Variants in SLC1A2 observed in about 807,000 individuals in gnomAD.
SLC1A2 encodes solute carrier family 1 member 2, also known as excitatory amino acid transporter 2.
In SLC1A2, 15 loss-of-function variants were observed where a neutral mutation model predicts 48.8. The ratio of observed to expected loss-of-function variants is 0.31; its 90% CI spans 0.21 to 0.47. SLC1A2 has a LOEUF of 0.47. SLC1A2 is among the 20% of genes least tolerant of loss of function. SLC1A2 has a pLI of 0.99. For missense variants in SLC1A2, 502 were observed against 730.5 expected (o/e 0.69, Z 3.61); for synonymous variants, 279 against 272.6 (o/e 1.02, Z -0.23).
intron 1 of SLC1A2, chr11:35,399,649 C>G (rs1855079575): frequency 1.0e-6 from 1 of 969,728 alleles, no homozygotes; most frequent in African/African-American, 1.8e-5. Context: ...TCTATTCCTA[C>G]TCAAAATAGA....
At chr11:35,323,818 C>G (rs117236570) in intron 1 of SLC1A2, among the ~76,000 whole-genome samples, 3 of 152,296 alleles carry the variant, frequency 2.0e-5, no homozygotes, top group Admixed American at 1.3e-4. Flanking sequence ...GCATGTTTTT[C>G]TAGGGCCAAT....
At chr11:35,357,141 C>T (rs1180590857) in intron 1 of SLC1A2, among the ~76,000 whole-genome samples, 1 of 151,718 alleles carries the variant, frequency 6.6e-6, no homozygotes, top group Non-Finnish European at 1.5e-5. Flanking sequence ...TCTGTAAACC[C>T]AGTTACTAGG....
intron 1 of SLC1A2, among the ~76,000 whole-genome samples, chr11:35,371,713 CA>C (rs11365357): frequency 0.27 from 41,504 of 152,010 alleles, 5,732 homozygotes; most frequent in African/African-American, 0.3. Flanking sequence ...TCTTGCTACT[CA>C]GAGTGCACCC....
intron 1 of SLC1A2, among the ~76,000 whole-genome samples, chr11:35,385,511 G>A (rs765151833): frequency 5.3e-5 from 8 of 152,148 alleles, no homozygotes; most frequent in African/African-American, 7.2e-5. Flanking sequence ...CTGCAGAGGG[G>A]TCTGGGTAGC....
At chr11:35,374,751 T>C (rs982556289) in intron 1 of SLC1A2, among the ~76,000 whole-genome samples, 6 of 150,730 alleles carry the variant, frequency 4.0e-5, no homozygotes, top group African/African-American at 1.5e-4. Context: ...GCTAAGCAAA[T>C]ATTAAGCCAT....
rs185951511 is a variant in SLC1A2, at chr11:35,269,991, C to A, written c.1422-4233G>T. Among the ~76,000 whole-genome samples, 24 of 152,228 alleles carry A rather than the reference C, an allele frequency of 1.6e-4. 1 individual carries two copies. The highest frequency in any genetic ancestry group is 3.4e-3 in the Middle Eastern group (1 of 294). ...GCGTGGTGGTGCACGCCTGTAATCC[C>A]AGCTACTCGGGAGGCTGAGATAGGA... On this transcript the variant is annotated intron_variant, in intron 9 of 10. Transcript: ENST00000278379.
At chr11:35,317,352 G>T in intron 2 of SLC1A2, 25 bp downstream of exon 2, 1 of 1,606,034 alleles carries the variant, frequency 6.2e-7, no homozygotes, top group Non-Finnish European at 8.5e-7. Context: ...GAGGGGGCTG[G>T]GGGTGGGGTA....
intron 8 of SLC1A2, among the ~76,000 whole-genome samples, chr11:35,282,212 C>G (rs1850662262): frequency 6.6e-6 from 1 of 152,120 alleles, no homozygotes. Flanking sequence ...TTCCCCTCCC[C>G]GTCCATGGTG....
chr11:35,279,619 C>T (rs1251015429), intron 9 of SLC1A2, among the ~76,000 whole-genome samples: 1 of 152,188 alleles, frequency 6.6e-6, no homozygotes, highest in Non-Finnish European at 1.5e-5. Context: ...TGATTCAGCT[C>T]AGCTACCACT....
rs549374530 is a variant in SLC1A2 at position 35,262,518 on chromosome 11, C to T, written c.1654-1553G>A. The stretch of plus-strand genomic sequence containing the variant: ...AAAAGAGGATGGCATTGGCAGCAAG[C>T]GCTGACATCTCCCATCTCAGTTTTT... On this transcript the variant is annotated intron_variant, in intron 10 of 10. Coordinates refer to ENST00000278379, the MANE Select transcript of SLC1A2 (RefSeq NM_004171.4). Among the ~76,000 whole-genome samples, 10 of 152,270 alleles carry T rather than the reference C, an allele frequency of 6.6e-5. No individual in the cohort carries two copies. In the East Asian group the frequency reaches 9.6e-4, roughly 15 times the overall value.
intron 1 of SLC1A2, chr11:35,380,519 T>A: frequency 2.5e-6 from 1 of 398,286 alleles, no homozygotes; most frequent in Non-Finnish European, 4.4e-6. Context: ...TCTCGATACA[T>A]CTTAGTTCAG....
At chr11:35,314,514 A>G (rs1406197248) in intron 3 of SLC1A2, among the ~76,000 whole-genome samples, 1 of 152,154 alleles carries the variant, frequency 6.6e-6, no homozygotes, top group Non-Finnish European at 1.5e-5. Context: ...GGAGTTCGAG[A>G]CCAGCTTGGC....
chr11:35,280,673 C>T (rs961716720), intron 9 of SLC1A2, 194 bp downstream of exon 9: 4 of 526,892 alleles, frequency 7.6e-6, no homozygotes, highest in South Asian at 3.2e-5. Context: ...TAGACTGTGA[C>T]GCCTTCAAAT....
chr11:35,267,001 G>A (rs1950495745), intron 9 of SLC1A2, among the ~76,000 whole-genome samples: 1 of 152,140 alleles, frequency 6.6e-6, no homozygotes, highest in South Asian at 2.1e-4. Flanking sequence ...AAGAAAATGT[G>A]GAAAAAAATA....
intron 1 of SLC1A2, chr11:35,391,209 T>G (rs1854759175): frequency 6.6e-6 from 1 of 152,232 alleles, no homozygotes; most frequent in South Asian, 2.1e-4. Flanking sequence ...GCTGCTTTTG[T>G]GATGCAATGG....
At chr11:35,369,854 A>G (rs1853998126) in intron 1 of SLC1A2, among the ~76,000 whole-genome samples, 1 of 152,214 alleles carries the variant, frequency 6.6e-6, no homozygotes, top group African/African-American at 2.4e-5. Flanking sequence ...AACTAATGCT[A>G]ACAAAAATCA....
intron 9 of SLC1A2, among the ~76,000 whole-genome samples, chr11:35,280,054 T>C (rs1250880808): frequency 6.6e-6 from 1 of 152,234 alleles, no homozygotes; most frequent in East Asian, 1.9e-4. Context: ...CACCTGTGCA[T>C]ACCTGTGCAT....
intron 10 of SLC1A2, among the ~76,000 whole-genome samples, chr11:35,263,809 T>C (rs1346153727): frequency 2.0e-5 from 3 of 152,252 alleles, no homozygotes; most frequent in Non-Finnish European, 4.4e-5. Flanking sequence ...TATGGCTTTA[T>C]AGATAATAGG....
intron 1 of SLC1A2, among the ~76,000 whole-genome samples, chr11:35,341,179 T>A (rs1852828992): frequency 6.6e-6 from 1 of 152,186 alleles, no homozygotes; most frequent in African/African-American, 2.4e-5. Flanking sequence ...CCCGAAGTGC[T>A]ACATATTAAC....
Sources: gnomAD v4.1 joint callset for allele counts (sites outside exome capture counted in the v4.1 genomes callset) on GRCh38, gnomAD v4.1.1 for gene constraint, MANE v1.5 for transcripts, NCBI Gene and HGNC (gene_info 2026-07-23, HGNC 2026-07-21) for gene names.